PARN: variants seen among roughly 807,000 people sequenced by gnomAD.
PARN encodes the protein poly(A)-specific ribonuclease.
In PARN, 71 loss-of-function variants were observed where a neutral mutation model predicts 102.8. The ratio of observed to expected loss-of-function variants is 0.69; its 90% CI spans 0.57 to 0.84. PARN has a LOEUF of 0.84. Ranked by LOEUF, PARN falls within the 40% of genes least tolerant of loss-of-function variation. The pLI, the probability that PARN is intolerant of heterozygous loss-of-function variation, is 0.00. For synonymous variants in PARN, 261 were observed against 252.9 expected (o/e 1.03, Z -0.30); for missense variants, 782 against 760.9 (o/e 1.03, Z -0.33).
At chr16:14,499,237 C>A (rs1596521148) in intron 21 of PARN, among the ~76,000 whole-genome samples, 1 of 152,162 alleles carries the variant, frequency 6.6e-6, no homozygotes, top group East Asian at 1.9e-4. Flanking sequence ...GCAGGTTAGG[C>A]TGCTAGGAGA....
chr16:14,573,341 T>C (rs1415606276), intron 18 of PARN, among the ~76,000 whole-genome samples: 2 of 152,190 alleles, frequency 1.3e-5, no homozygotes, highest in Admixed American at 1.3e-4. Context: ...CCTACTCTTC[T>C]GGTAATCTTC....
At chr16:14,442,805 G>A (rs1350970904) in intron 23 of PARN, among the ~76,000 whole-genome samples, 2 of 152,108 alleles carry the variant, frequency 1.3e-5, no homozygotes, top group African/African-American at 2.4e-5. Context: ...ACAGGGTTTC[G>A]CCATGTTGGC....
At chr16:14,606,108 A>G (rs1262619251) in intron 10 of PARN, among the ~76,000 whole-genome samples, 2 of 152,208 alleles carry the variant, frequency 1.3e-5, no homozygotes, top group Non-Finnish European at 2.9e-5. Context: ...TCTGACTTTC[A>G]GCACACTAAG....
At chr16:14,483,462 T>C (rs1963489616) in intron 21 of PARN, among the ~76,000 whole-genome samples, 1 of 152,214 alleles carries the variant, frequency 6.6e-6, no homozygotes, top group African/African-American at 2.4e-5. Context: ...AAAACCAGGT[T>C]CCTCAAACCC....
intron 22 of PARN, among the ~76,000 whole-genome samples, chr16:14,469,498 G>C (rs1445015851): frequency 6.6e-6 from 1 of 152,212 alleles, no homozygotes; most frequent in African/African-American, 2.4e-5. Flanking sequence ...CTTTGCTTCA[G>C]AGATTCTTGA....
At chr16:14,440,371 C>A (rs1960891901) in intron 23 of PARN, among the ~76,000 whole-genome samples, 1 of 152,130 alleles carries the variant, frequency 6.6e-6, no homozygotes, top group Admixed American at 6.5e-5. Context: ...GGTGAGGGCG[C>A]AGAGTGAGCT....
chr16:14,594,272 A>G lies in PARN; in HGVS notation c.841-894T>C, dbSNP rs148604167. ...GCCTTTCAGCCAACCGAAATACAAT[A>G]TATGTGCTGGCAGCCCTCTTCGTGC... On this transcript the variant is annotated intron_variant, in intron 12 of 23. Transcript: ENST00000437198. Among the ~76,000 whole-genome samples the G allele has an allele frequency of 8.3e-3, 1,260 of 152,326 alleles. 22 individuals carry two copies. Among genetic ancestry groups the G allele is most frequent in the African/African-American group, 0.028 (1,182 of 41,574 alleles).
At chr16:14,557,557 C>CAAAAA (rs751028710) in intron 18 of PARN, among the ~76,000 whole-genome samples, 1 of 36,496 alleles carries the variant, frequency 2.7e-5, no homozygotes, top group Admixed American at 2.6e-4. Context: ...AACTCTGCCT[C>CAAAAA]AAAAAAAAAA....
intron 22 of PARN, among the ~76,000 whole-genome samples, chr16:14,464,286 TA>T (rs1421736242): frequency 2.6e-5 from 4 of 151,994 alleles, no homozygotes; most frequent in African/African-American, 9.7e-5. Flanking sequence ...GAAGAACTTG[TA>T]AAAAGTAGCC....
At chr16:14,480,205 C>T (rs1963305186) in intron 22 of PARN, among the ~76,000 whole-genome samples, 1 of 151,928 alleles carries the variant, frequency 6.6e-6, no homozygotes, top group Non-Finnish European at 1.5e-5. Context: ...TGGTGGCGCA[C>T]ATCTGTAATC....
chr16:14,591,730 C>T (rs1242838105), intron 13 of PARN, among the ~76,000 whole-genome samples: 3 of 152,082 alleles, frequency 2.0e-5, no homozygotes, highest in Non-Finnish European at 2.9e-5. Context: ...GAAATAAGGC[C>T]GCTTGCAACA....
chr16:14,488,205 T>C (rs553274444), intron 21 of PARN, among the ~76,000 whole-genome samples: 165 of 152,086 alleles, frequency 1.1e-3, no homozygotes, highest in African/African-American at 3.5e-3. Flanking sequence ...AAAAAAGAAA[T>C]TGGATTCTTA....
At chr16:14,560,615 G>A (rs955894765) in intron 18 of PARN, among the ~76,000 whole-genome samples, 2 of 152,134 alleles carry the variant, frequency 1.3e-5, no homozygotes, top group African/African-American at 2.4e-5. Flanking sequence ...TTTAAATGTT[G>A]TATGAGTATA....
rs759449443 is a variant in PARN, at chr16:14,552,027, T to G, written c.1474A>C (p.Lys492Gln). ...FVSLSQPEQV[K>Q]IAVNTSKYAE... ...AGAAATCCAAAACACTTACCAATCT[T>G]TACTTGCTCGGGCTGGCTAAGGGAA... Residue 492 changes from lysine to glutamine, a missense_variant, in exon 21 of 24, where the codon AAG becomes CAG. Coordinates refer to ENST00000437198, the MANE Select transcript of PARN (RefSeq NM_002582.4). The G allele has an allele frequency of 3.7e-6, 6 of 1,609,884 alleles. No individual in the cohort carries two copies. Among genetic ancestry groups the G allele is most frequent in the Non-Finnish European group, 4.2e-6 (5 of 1,176,532 alleles).
intron 23 of PARN, among the ~76,000 whole-genome samples, chr16:14,437,834 T>C (rs1189095910): frequency 6.6e-6 from 1 of 152,150 alleles, no homozygotes; most frequent in African/African-American, 2.4e-5. Flanking sequence ...GGGAATCATA[T>C]CACTGAGTTC....
At chr16:14,590,234 C>CAAAAAAAAAA (rs11302769) in intron 13 of PARN, among the ~76,000 whole-genome samples, 3 of 45,954 alleles carry the variant, frequency 6.5e-5, no homozygotes, top group African/African-American at 1.0e-4. Context: ...GACTCCATCT[C>CAAAAAAAAAA]AAAAAAAAAA....
chr16:14,628,096 T>C, intron 3 of PARN, 76 bp downstream of exon 3: 1 of 886,134 alleles, frequency 1.1e-6, no homozygotes, highest in Non-Finnish European at 1.9e-6. Flanking sequence ...TGCACAAGTT[T>C]AGTAACAATA....
intron 22 of PARN, among the ~76,000 whole-genome samples, chr16:14,472,483 A>G (rs1962803151): frequency 6.6e-6 from 1 of 152,190 alleles, no homozygotes; most frequent in Admixed American, 6.5e-5. Flanking sequence ...AAAGGTCTCT[A>G]CCACTTTTCC....
intron 18 of PARN, among the ~76,000 whole-genome samples, chr16:14,579,856 G>T (rs1969397825): frequency 6.6e-6 from 1 of 151,794 alleles, no homozygotes; most frequent in African/African-American, 2.4e-5. Flanking sequence ...CATGCCTGTA[G>T]TTCCAGCTAC....
Sources: gnomAD v4.1 joint callset for allele counts (sites outside exome capture counted in the v4.1 genomes callset) on GRCh38, gnomAD v4.1.1 for gene constraint, MANE v1.5 for transcripts, NCBI Gene and HGNC (gene_info 2026-07-23, HGNC 2026-07-21) for gene names.